The following SLC25A22 variants were observed in gnomAD, a reference collection of about 807,000 sequenced individuals.
SLC25A22 encodes mitochondrial glutamate carrier 1.
A neutral mutation model predicts 33.7 loss-of-function variants in SLC25A22; 23 were observed. The ratio of observed to expected loss-of-function variants is 0.68; its 90% CI spans 0.49 to 0.97. SLC25A22 has a LOEUF of 0.97. Among genes scored for constraint, SLC25A22 ranks in the 50% least tolerant of loss-of-function variants. The probability of loss-of-function intolerance (pLI) is 0.00; values close to 1 mark genes in which losing one functional copy is unlikely to be tolerated. For missense variants in SLC25A22, 390 were observed against 451.1 expected (o/e 0.86, Z 1.23); for synonymous variants, 245 against 203.8 (o/e 1.20, Z -1.72).
chr11:797,160 G>A (rs952059767), intron 1 of SLC25A22, among the ~76,000 whole-genome samples: 2 of 152,188 alleles, frequency 1.3e-5, no homozygotes, highest in Admixed American at 6.5e-5. Flanking sequence ...GGTGGGGAGC[G>A]GCCATTCGTC....
intron 5 of SLC25A22, 76 bp from the exon 6 acceptor site, chr11:793,064 T>C: frequency 7.1e-7 from 1 of 1,403,880 alleles, no homozygotes; most frequent in Non-Finnish European, 9.9e-7. Flanking sequence ...CCACCATGCC[T>C]GGGCGCAGAG....
chr11:793,000 G>A lies in SLC25A22; in HGVS notation c.294-12C>T. ...GGGTCAGCTTCTGCCTGTGGTAGGG[G>A]CGGGGCCGCAGTAAGTGGGAAGAGA... On this transcript the variant is annotated splice_polypyrimidine_tract_variant and intron_variant, in intron 5 of 9. Coordinates refer to ENST00000628067, the MANE Select transcript of SLC25A22 (RefSeq NM_001191061.2). 1.9e-6 allele frequency: 3 copies of A among 1,612,250 alleles called. No individual in the cohort carries two copies. Among genetic ancestry groups the A allele is most frequent in the Non-Finnish European group, 2.5e-6 (3 of 1,179,406 alleles).
At chr11:795,856 G>A (rs934837116) in intron 1 of SLC25A22, among the ~76,000 whole-genome samples, 1 of 152,022 alleles carries the variant, frequency 6.6e-6, no homozygotes, top group South Asian at 2.1e-4. Flanking sequence ...GGCCTTCTGA[G>A]GCCCCCTGTG....
chr11:793,565 G>A lies in SLC25A22; in HGVS notation c.257C>T (p.Ala86Val), dbSNP rs767046456. The part of the protein sequence containing the change: ...VTPEKAIKLA[A>V]NDFFRHQLSK... ...GAGCTGATGTCGGAAGAAGTCGTTG[G>A]CTGCCAGCTTGATGGCCTTCTCGGG... Residue 86 changes from alanine to valine, a missense_variant, in exon 5 of 10, where the codon GCC becomes GTC. Ala to Val is a moderately conservative substitution (Grantham distance 64). Coordinates refer to ENST00000628067, the MANE Select transcript of SLC25A22 (RefSeq NM_001191061.2). The A allele has an allele frequency of 1.9e-6, 3 of 1,613,278 alleles. No homozygotes were observed. The highest frequency in any genetic ancestry group is 2.5e-6 in the Non-Finnish European group (3 of 1,179,986).
chr11:792,800 TCCCCACCCTCC>T, intron 6 of SLC25A22, 59 bp downstream of exon 6: 4 of 1,545,350 alleles, frequency 2.6e-6, no homozygotes, highest in South Asian at 1.2e-5. Context: ...CCTCCCTGCG[TCCCCACCCTCC>T]CCTCGCCCTC....
intron 1 of SLC25A22, chr11:796,380 G>A (rs1209772260): frequency 6.6e-6 from 1 of 152,164 alleles, no homozygotes; most frequent in African/African-American, 2.4e-5. Flanking sequence ...TGAGAGGAGA[G>A]ATGAGCAGGG....
In SLC25A22 at chr11:792,252, C is replaced by T. The variant is rs772082653; in HGVS notation, c.743-35G>A. 4 of 1,612,870 alleles carry T rather than the reference C, an allele frequency of 2.5e-6. No homozygotes were observed. In the South Asian group the frequency reaches 4.4e-5, roughly 18 times the overall value. On this transcript the variant is annotated intron_variant, in intron 8 of 9. Coordinates refer to ENST00000628067, the MANE Select transcript of SLC25A22 (RefSeq NM_001191061.2). Reference sequence around the variant, plus strand: ...GCGCTCGGGTCAGTGTGAGCCTGGCCAAGGGCTCAGTCCCGCCCCATCCCC... The same window carrying T: ...GCGCTCGGGTCAGTGTGAGCCTGGCTAAGGGCTCAGTCCCGCCCCATCCCC...
Position 795,077 on chromosome 11 carries a change from G to C in SLC25A22, c.-71C>G. On this transcript the variant is annotated 5_prime_UTR_variant, in exon 2 of 10. Coordinates refer to ENST00000628067, the MANE Select transcript of SLC25A22 (RefSeq NM_001191061.2). ...GCCAGGCGGGGTGGAGGTGGAGGTG[G>C]AGGAGGCCTTGAGGGAGGGTGGGAC... The C allele has an allele frequency of 6.6e-7, 1 of 1,522,696 alleles. No individual in the cohort carries two copies. Among genetic ancestry groups the C allele is most frequent in the Non-Finnish European group, 8.9e-7 (1 of 1,126,622 alleles). The allele number at this position is 1,522,696 out of a possible 1,614,324, so 94.3% of individuals were successfully genotyped here.
chr11:793,371 C>T lies in SLC25A22; in HGVS notation c.293+158G>A, dbSNP rs897426554. 4.1e-5 allele frequency: 29 copies of T among 715,888 alleles called. No homozygotes were observed. In the African/African-American group the frequency reaches 5.1e-4, roughly 13 times the overall value. The allele number at this position is 715,888 out of a possible 1,614,324, so 44.3% of individuals were successfully genotyped here. A position where few individuals can be genotyped will look rare whatever the true frequency, so the allele number is the denominator to read the frequency against. On this transcript the variant is annotated intron_variant, in intron 5 of 9. Transcript: ENST00000628067. ...TTGACATCTGCTTTGCTCCCCTGGT[C>T]AGGGGAAAGGAGGGAGGGTGCCCCA...
chr11:794,960 G>A lies in SLC25A22; in HGVS notation c.20+27C>T, dbSNP rs771147440. Reference sequence around the variant, plus strand: ...TGACCATGGGTCAGGGTGGGGGTGAGGCACGCAGCCAGGACTGGAGTCTGA... The same window carrying A: ...TGACCATGGGTCAGGGTGGGGGTGAAGCACGCAGCCAGGACTGGAGTCTGA... On this transcript the variant is annotated intron_variant, in intron 2 of 9. Coordinates refer to ENST00000628067, the MANE Select transcript of SLC25A22 (RefSeq NM_001191061.2). 4.5e-6 allele frequency: 7 copies of A among 1,562,074 alleles called. No individual in the cohort carries two copies. In the African/African-American group the frequency reaches 9.5e-5, roughly 21 times the overall value.
rs372658232 is a variant in SLC25A22 at position 795,481 on chromosome 11, G to A, written c.-163-312C>T. The A allele has an allele frequency of 8.2e-5, 28 of 340,486 alleles. No individual in the cohort carries two copies. The East Asian group carries it at 1.2e-3, about 15-fold the overall frequency. The allele number at this position is 340,486 out of a possible 1,614,324, so 21.1% of individuals were successfully genotyped here. A position where few individuals can be genotyped will look rare whatever the true frequency, so the allele number is the denominator to read the frequency against. ...TTTAAAGGGCCAGGCACCTCTGGGG[G>A]CAGTGCCAGGGGCCGGGGCCAGGGT... On this transcript the variant is annotated intron_variant, in intron 1 of 9. Transcript: ENST00000628067.
chr11:797,222 C>A (rs1287096825), intron 1 of SLC25A22, among the ~76,000 whole-genome samples: 1 of 152,190 alleles, frequency 6.6e-6, no homozygotes, highest in Non-Finnish European at 1.5e-5. Context: ...CAGGCCTGGG[C>A]CCGCACGTCA....
At chr11:798,125 ACCTC>A (rs1864934799) in intron 1 of SLC25A22, 88 bp downstream of exon 1, 1 of 391,088 alleles carries the variant, frequency 2.6e-6, no homozygotes, top group African/African-American at 2.2e-5. Context: ...GGCAGCTGTC[ACCTC>A]CCTCGGCCGC....
In SLC25A22 at chr11:794,481, T is replaced by C. The variant is rs587784387; in HGVS notation, c.179A>G (p.Glu60Gly). 4 of 1,612,890 alleles carry C rather than the reference T, an allele frequency of 2.5e-6. No individual in the cohort carries two copies. The South Asian group carries it at 4.4e-5, about 18-fold the overall frequency. Residue 60 changes from glutamate to glycine, a missense_variant, in exon 4 of 10, where the codon GAG becomes GGG. Transcript: ENST00000628067. ...SDCLIKTVRS[E>G]GYFGMYRGAA... ...ACCCCGGTACATGCCGAAGTAGCCC[T>C]CGGAGCGGACGGTCTTGATGAGGCA...
rs997151557 is a variant in SLC25A22 at position 795,631 on chromosome 11, A to AC, written c.-163-463dup. 3.7e-5 allele frequency: 7 copies of AC among 190,234 alleles called. No individual in the cohort carries two copies. In the East Asian group the frequency reaches 3.7e-4, roughly 10 times the overall value. The allele number at this position is 190,234 out of a possible 1,614,324, so 11.8% of individuals were successfully genotyped here. ...GGGCTGGGGTCCCGGGCGCCCTAAGACCCCCCGACCTGGGCTCAGCTATCC... is the reference window on the plus strand; with the variant it reads ...GGGCTGGGGTCCCGGGCGCCCTAAGACCCCCCCGACCTGGGCTCAGCTATCC... On this transcript the variant is annotated intron_variant, in intron 1 of 9. Coordinates refer to ENST00000628067, the MANE Select transcript of SLC25A22 (RefSeq NM_001191061.2).
chr11:793,041 C>G, intron 5 of SLC25A22, 53 bp from the exon 6 acceptor site: 2 of 1,554,268 alleles, frequency 1.3e-6, no homozygotes, highest in South Asian at 1.1e-5. Flanking sequence ...CTACCTGCCA[C>G]CCTCGGGGCT....
At position 791,593 on chromosome 11, in the gene SLC25A22, G is replaced by A. The variant is rs1864518784; in HGVS notation, c.*322C>T. 4.6e-6 allele frequency: 2 copies of A among 431,858 alleles called. No individual in the cohort carries two copies. Among genetic ancestry groups the A allele is most frequent in the South Asian group, 4.8e-5 (2 of 41,298 alleles). 26.8% of individuals were successfully genotyped at this position (431,858 alleles called of 1,614,324 possible). A position where few individuals can be genotyped will look rare whatever the true frequency, so the allele number is the denominator to read the frequency against. On this transcript the variant is annotated 3_prime_UTR_variant, in exon 10 of 10. Coordinates refer to ENST00000628067, the MANE Select transcript of SLC25A22 (RefSeq NM_001191061.2). ...GGTATGGTCCAGCCTGCCCGGCCCAGGCCCGGGGGCCCCCAGCCCAGAGAC... is the reference window on the plus strand; with the variant it reads ...GGTATGGTCCAGCCTGCCCGGCCCAAGCCCGGGGGCCCCCAGCCCAGAGAC...
intron 3 of SLC25A22, 23 bp from the exon 4 acceptor site, chr11:794,536 A>T: frequency 6.2e-7 from 1 of 1,610,478 alleles, no homozygotes; most frequent in Non-Finnish European, 8.5e-7. Flanking sequence ...GGACAGGGTG[A>T]GCCAGGGCCA....
At chr11:793,801 C>T in intron 4 of SLC25A22, 182 bp from the exon 5 acceptor site, 2 of 625,808 alleles carry the variant, frequency 3.2e-6, no homozygotes, top group Non-Finnish European at 5.8e-6. Context: ...AGGGATGGGG[C>T]AGCACCTCAG....
Sources: gnomAD v4.1 joint callset for allele counts (sites outside exome capture counted in the v4.1 genomes callset) on GRCh38, gnomAD v4.1.1 for gene constraint, MANE v1.5 for transcripts, NCBI Gene and HGNC (gene_info 2026-07-23, HGNC 2026-07-21) for gene names.